The following FANCD2 variants were observed in gnomAD, a reference collection of about 807,000 sequenced individuals.
FANCD2 encodes the protein Fanconi anemia group D2 protein.
In FANCD2, 131 loss-of-function variants were observed where a neutral mutation model predicts 192.3. The observed-to-expected ratio is 0.68, with a 90% CI of 0.59 to 0.79. The LOEUF (loss-of-function observed/expected upper bound fraction) is 0.79. Among genes scored for constraint, FANCD2 ranks in the 30% least tolerant of loss-of-function variants. The probability of loss-of-function intolerance (pLI) is 0.00; values close to 1 mark genes in which losing one functional copy is unlikely to be tolerated. For missense variants in FANCD2, 1,508 were observed against 1,701.6 expected, an observed-to-expected ratio of 0.89 and a Z score of 2.00; for synonymous variants, 524 against 612.5, an observed-to-expected ratio of 0.86 and a Z score of 2.13.
At chr3:10,087,303 T>C in intron 34 of FANCD2, 39 bp downstream of exon 34, 1 of 1,439,732 alleles carries the variant, frequency 6.9e-7, no homozygotes, top group East Asian at 2.3e-5. Flanking sequence ...TTTTTTTTAA[T>C]GAATAGGACT....
At chr3:10,043,994 A>G in intron 14 of FANCD2, 130 bp downstream of exon 14, 1 of 768,256 alleles carries the variant, frequency 1.3e-6, no homozygotes, top group Non-Finnish European at 2.2e-6. Flanking sequence ...AGTTGCTCTA[A>G]TAAACATTAG....
Position 10,076,633 on chromosome 3 carries a change from C to G in FANCD2, c.2860-1448C>G, listed in dbSNP as rs1453524671. 2.6e-5 allele frequency among the ~76,000 whole-genome samples: 4 copies of G among 152,138 alleles called. No individual in the cohort carries two copies. The East Asian group carries it at 5.8e-4, about 22-fold the overall frequency. ...TCATAGCTCACTGCAACCTTGAACT[C>G]CTGGGTTCAAGGATCAAGTGATCCT... On this transcript the variant is annotated intron_variant, in intron 29 of 43. Coordinates refer to ENST00000675286, the MANE Select transcript of FANCD2 (RefSeq NM_001018115.3).
At position 10,043,148 on chromosome 3, in the gene FANCD2, A is replaced by G. The variant is rs766926932; in HGVS notation, c.987A>G (p.Ala329=). The change falls in exon 12 of 44, where the codon GCA becomes GCG. Residue 329 remains alanine, a splice_region_variant and synonymous_variant. Coordinates refer to ENST00000675286, the MANE Select transcript of FANCD2 (RefSeq NM_001018115.3). ...SQVKLKSKGR[A]SSSGNQESSG... ...TAAAGTTGAAAAGTAAAGGACGAGC[A>G]AGGTAAAGAGCTCATCCTCACACAG... The G allele has an allele frequency of 6.2e-7, 1 of 1,613,408 alleles. No individual in the cohort carries two copies. The highest frequency in any genetic ancestry group is 8.5e-7 in the Non-Finnish European group (1 of 1,179,474).
chr3:10,094,491 A>G, intron 40 of FANCD2, 128 bp downstream of exon 40: 1 of 814,686 alleles, frequency 1.2e-6, no homozygotes, highest in Non-Finnish European at 2.1e-6. Context: ...AGCTGTAGCC[A>G]GAGATCCCCA....
At chr3:10,078,828 A>T (rs1008225284) in intron 30 of FANCD2, among the ~76,000 whole-genome samples, 1 of 151,792 alleles carries the variant, frequency 6.6e-6, no homozygotes, top group Non-Finnish European at 1.5e-5. Context: ...CTAGCCGGGC[A>T]TGGTGGTGCA....
intron 5 of FANCD2, 142 bp from the exon 6 acceptor site, chr3:10,035,031 T>C: frequency 1.4e-6 from 1 of 740,516 alleles, no homozygotes; most frequent in Non-Finnish European, 2.3e-6. Flanking sequence ...CAAAGAGCCA[T>C]CTGCTCATTT....
intron 30 of FANCD2, 64 bp from the exon 31 acceptor site, chr3:10,081,036 G>T: frequency 1.2e-6 from 2 of 1,601,618 alleles, no homozygotes; most frequent in South Asian, 1.1e-5. Flanking sequence ...ACTCCATTGC[G>T]AACCCTTAGT....
chr3:10,092,301 C>A, intron 38 of FANCD2, 49 bp downstream of exon 38: 1 of 1,416,724 alleles, frequency 7.1e-7, no homozygotes, highest in Non-Finnish European at 1.0e-6. Context: ...CTGCAGAAAC[C>A]AAGTGTCCTG....
At chr3:10,090,646 G>A (rs1023848158) in intron 37 of FANCD2, among the ~76,000 whole-genome samples, 1 of 151,880 alleles carries the variant, frequency 6.6e-6, no homozygotes, top group African/African-American at 2.4e-5. Flanking sequence ...TTTTAGTAGA[G>A]ACAGGGTTTC....
At chr3:10,088,795 A>G in intron 35 of FANCD2, 33 bp from the exon 36 acceptor site, 1 of 1,612,232 alleles carries the variant, frequency 6.2e-7, no homozygotes, top group Non-Finnish European at 8.5e-7. Flanking sequence ...TACTTTGTTA[A>G]TTAGTGGGTC....
At chr3:10,034,569 G>T in intron 4 of FANCD2, 33 bp downstream of exon 4, 1 of 1,572,518 alleles carries the variant, frequency 6.4e-7, no homozygotes, top group Non-Finnish European at 8.8e-7. Context: ...TTTTGCTTGT[G>T]CCAGCATAAC....
intron 6 of FANCD2, 54 bp downstream of exon 6, chr3:10,035,287 G>A: frequency 6.7e-7 from 1 of 1,481,890 alleles, no homozygotes; most frequent in South Asian, 1.1e-5. Flanking sequence ...TGTGGTGTAT[G>A]CTCAAGTCTA....
intron 1 of FANCD2, among the ~76,000 whole-genome samples, chr3:10,027,922 A>G (rs922633787): frequency 7.3e-5 from 11 of 149,730 alleles, no homozygotes; most frequent in Non-Finnish European, 4.4e-5. Flanking sequence ...AAAAAAAAAA[A>G]AATCACTTCT....
intron 2 of FANCD2, among the ~76,000 whole-genome samples, chr3:10,029,213 T>C (rs927501958): frequency 6.6e-6 from 1 of 151,916 alleles, no homozygotes; most frequent in Non-Finnish European, 1.5e-5. Context: ...ATATAAGGAG[T>C]TGATGGCTGG....
chr3:10,062,165 GT>G lies in FANCD2; in HGVS notation c.1784del (p.Leu595Ter). 6.2e-7 allele frequency: 1 copy of G among 1,611,890 alleles called. No homozygotes were observed. The highest frequency in any genetic ancestry group is 1.3e-5 in the African/African-American group (1 of 74,840). The part of the protein sequence containing the change: ...IMAADRSESP[S>X]LTQERANLSD... The stretch of plus-strand genomic sequence containing the variant: ...TTTGTTTTTAGAAGTGAATCACCTA[GT>G]TTGACCCAAGAGAGAGCCAACCTGA... On this transcript the variant is annotated frameshift_variant, in exon 20 of 44. Coordinates refer to ENST00000675286, the MANE Select transcript of FANCD2 (RefSeq NM_001018115.3). LOFTEE classifies it high-confidence loss of function.
At chr3:10,076,024 C>T (rs1488148186) in intron 29 of FANCD2, among the ~76,000 whole-genome samples, 3 of 149,942 alleles carry the variant, frequency 2.0e-5, no homozygotes. Flanking sequence ...AGCCACTGCG[C>T]CCAGCCATAT....
intron 7 of FANCD2, 60 bp from the exon 8 acceptor site, chr3:10,039,219 G>T: frequency 8.0e-7 from 1 of 1,250,076 alleles, no homozygotes; most frequent in Non-Finnish European, 1.2e-6. Context: ...CAGTATTAAT[G>T]CTTGCTGTTA....
intron 41 of FANCD2, among the ~76,000 whole-genome samples, chr3:10,095,933 G>A (rs1694931262): frequency 6.6e-6 from 1 of 150,496 alleles, no homozygotes; most frequent in African/African-American, 2.5e-5. Context: ...CCAGGCCGGA[G>A]TGCAGTGGCA....
chr3:10,078,280 C>T, intron 30 of FANCD2, 83 bp downstream of exon 30: 1 of 922,624 alleles, frequency 1.1e-6, no homozygotes, highest in Non-Finnish European at 1.8e-6. Flanking sequence ...TTGTCACTTT[C>T]TTTGGCATTG....
Sources: gnomAD v4.1 joint callset for allele counts (sites outside exome capture counted in the v4.1 genomes callset) on GRCh38, gnomAD v4.1.1 for gene constraint, MANE v1.5 for transcripts, NCBI Gene and HGNC (gene_info 2026-07-23, HGNC 2026-07-21) for gene names.